Variants in CSTPP1 observed in about 807,000 individuals in gnomAD.
The protein encoded by CSTPP1 is UPF0705 protein C11orf49.
the CSTPP1 span, among the ~76,000 whole-genome samples, chr11:47,119,927 G>C: frequency 6.6e-6 from 1 of 152,046 alleles, no homozygotes. Flanking sequence ...CCATCTTAAT[G>C]ATGATGGAAT....
chr11:47,051,346 A>G, the CSTPP1 span, among the ~76,000 whole-genome samples: 2 of 152,358 alleles, frequency 1.3e-5, no homozygotes, highest in South Asian at 2.1e-4. Flanking sequence ...AGATTACACC[A>G]GGCTCTACAG....
At chr11:47,006,979 G>T in the CSTPP1 span, among the ~76,000 whole-genome samples, 2 of 124,180 alleles carry the variant, frequency 1.6e-5, no homozygotes, top group Non-Finnish European at 3.5e-5. Context: ...GCTCTTTTTT[G>T]CATTTTCTAT....
At chr11:47,023,632 T>C in the CSTPP1 span, among the ~76,000 whole-genome samples, 1 of 152,190 alleles carries the variant, frequency 6.6e-6, no homozygotes, top group Admixed American at 6.5e-5. Context: ...CCCTAGCTCC[T>C]GGCAATCACC....
the CSTPP1 span, among the ~76,000 whole-genome samples, chr11:46,980,081 A>C: frequency 0.16 from 24,581 of 151,810 alleles, 6,684 homozygotes; most frequent in African/African-American, 0.56. Context: ...AACAAACAAA[A>C]AAACAAAAAA....
the CSTPP1 span, among the ~76,000 whole-genome samples, chr11:47,039,273 G>A: frequency 1.6e-5 from 2 of 128,118 alleles, 1 homozygote; most frequent in Non-Finnish European, 3.7e-5. Flanking sequence ...TGCCGAGGCT[G>A]GCGGATCACT....
the CSTPP1 span, among the ~76,000 whole-genome samples, chr11:46,955,406 C>T: frequency 6.6e-6 from 1 of 150,692 alleles, no homozygotes. Context: ...GCTCTGTAAC[C>T]AGGCTGGAGT....
At chr11:47,097,106 G>A in the CSTPP1 span, among the ~76,000 whole-genome samples, 1 of 138,318 alleles carries the variant, frequency 7.2e-6, no homozygotes, top group Non-Finnish European at 1.6e-5. Flanking sequence ...AGGTAGGGGG[G>A]TCAGCCCCCC....
the CSTPP1 span, among the ~76,000 whole-genome samples, chr11:47,158,648 A>C: frequency 6.6e-6 from 1 of 151,984 alleles, no homozygotes; most frequent in East Asian, 1.9e-4. Context: ...TGATGCTCTC[A>C]CCTCAGCCTC....
the CSTPP1 span, among the ~76,000 whole-genome samples, chr11:47,148,524 G>A: frequency 3.3e-5 from 5 of 152,298 alleles, no homozygotes; most frequent in Non-Finnish European, 7.3e-5. Context: ...CTTTCTGGCC[G>A]TGGCTGAGGG....
the CSTPP1 span, among the ~76,000 whole-genome samples, chr11:47,079,996 G>A: frequency 1.5e-3 from 231 of 152,098 alleles, no homozygotes; most frequent in Non-Finnish European, 2.3e-3. Flanking sequence ...ACTTGGGAGG[G>A]TGAGGCAGGA....
the CSTPP1 span, among the ~76,000 whole-genome samples, chr11:47,091,014 G>A: frequency 2.5e-4 from 36 of 144,330 alleles, no homozygotes; most frequent in Non-Finnish European, 4.4e-4. Flanking sequence ...ACTCCAGCCC[G>A]GGCAACAGAG....
chr11:46,981,049 A>G, the CSTPP1 span, among the ~76,000 whole-genome samples: 2 of 152,180 alleles, frequency 1.3e-5, no homozygotes, highest in African/African-American at 4.8e-5. Context: ...TGAAATGCCA[A>G]TTCCATCTTG....
the CSTPP1 span, among the ~76,000 whole-genome samples, chr11:47,021,354 T>C: frequency 6.6e-6 from 1 of 152,196 alleles, no homozygotes; most frequent in Non-Finnish European, 1.5e-5. Flanking sequence ...TCTTCTATTA[T>C]ACCTCCTCCT....
At chr11:47,161,328 C>T in the CSTPP1 span, 1 of 1,586,858 alleles carries the variant, frequency 6.3e-7, no homozygotes, top group South Asian at 1.1e-5. Flanking sequence ...CCAGTGGAGG[C>T]CTGAGGTGTC....
At chr11:47,080,552 TAA>T in the CSTPP1 span, among the ~76,000 whole-genome samples, 4 of 152,142 alleles carry the variant, frequency 2.6e-5, no homozygotes, top group African/African-American at 7.2e-5. Flanking sequence ...GAAAAAGAAA[TAA>T]GAGGCATAAA....
At chr11:47,104,461 C>A in the CSTPP1 span, among the ~76,000 whole-genome samples, 1 of 152,198 alleles carries the variant, frequency 6.6e-6, no homozygotes, top group Admixed American at 6.6e-5. Flanking sequence ...TGCAGACATT[C>A]TTTTCACATC....
At chr11:47,014,800 A>G in the CSTPP1 span, among the ~76,000 whole-genome samples, 1 of 151,816 alleles carries the variant, frequency 6.6e-6, no homozygotes, top group Non-Finnish European at 1.5e-5. Flanking sequence ...AGGGAAAGAG[A>G]AAGAAATTAG....
At chr11:47,052,074 G>C in the CSTPP1 span, 2 of 181,378 alleles carry the variant, frequency 1.1e-5, no homozygotes, top group Non-Finnish European at 2.3e-5. Flanking sequence ...ATGAGTGCCA[G>C]TGTCATCCAG....
chr11:46,951,285 T>C, the CSTPP1 span, among the ~76,000 whole-genome samples: 1 of 150,706 alleles, frequency 6.6e-6, no homozygotes. Context: ...TATGATATAT[T>C]CCTTAGACTC....
Sources: allele counts gnomAD v4.1 joint callset (sites outside exome capture counted in the v4.1 genomes callset), GRCh38; gene constraint gnomAD v4.1.1; transcripts MANE v1.5; gene names NCBI Gene and HGNC (gene_info 2026-07-23, HGNC 2026-07-21).